The following MCC variants were observed in gnomAD, a reference collection of about 807,000 sequenced individuals.
MCC encodes colorectal mutant cancer protein.
MCC carries 90 observed loss-of-function variants against 116.2 expected under a neutral mutation model. That is an observed-to-expected ratio of 0.77 (90% CI 0.65 to 0.92). The LOEUF (loss-of-function observed/expected upper bound fraction) is 0.92, where lower values mean the gene tolerates loss of function less well. Among genes scored for constraint, MCC ranks in the 40% least tolerant of loss-of-function variants. The pLI is 0.00. For synonymous variants in MCC, 578 were observed against 510.5 expected (o/e 1.13, Z -1.78); for missense variants, 1,516 against 1,312.2 (o/e 1.16, Z -2.40).
chr5:113,132,437 T>TACAC (rs1758506205), intron 5 of MCC, among the ~76,000 whole-genome samples: 5 of 75,598 alleles, frequency 6.6e-5, no homozygotes, highest in African/African-American at 2.2e-4. Flanking sequence ...CATATATATA[T>TACAC]ATATATACAC....
intron 3 of MCC, among the ~76,000 whole-genome samples, chr5:113,188,258 T>C (rs1357757281): frequency 6.6e-6 from 1 of 152,172 alleles, no homozygotes; most frequent in Non-Finnish European, 1.5e-5. Flanking sequence ...TTGGATACTG[T>C]CAAGCTTCAC....
At chr5:113,237,273 C>T (rs955672876) in intron 3 of MCC, among the ~76,000 whole-genome samples, 6 of 152,124 alleles carry the variant, frequency 3.9e-5, no homozygotes, top group Non-Finnish European at 8.8e-5. Context: ...CATTTTACTT[C>T]TACTTTTTAA....
At chr5:113,134,645 T>G (rs1375001716) in intron 5 of MCC, among the ~76,000 whole-genome samples, 1 of 150,708 alleles carries the variant, frequency 6.6e-6, no homozygotes, top group Admixed American at 6.6e-5. Flanking sequence ...ATTGGTATTT[T>G]GATAGGGATT....
rs200807089 is a variant in MCC, at chr5:113,023,302, T to TA, written c.*3999dup. 4 of 152,358 alleles carry TA rather than the reference T, an allele frequency of 2.6e-5. No homozygotes were observed. The East Asian group carries it at 5.8e-4, about 22-fold the overall frequency. 9.4% of individuals were successfully genotyped at this position (152,358 alleles called of 1,614,324 possible). A position where few individuals can be genotyped will look rare whatever the true frequency, so the allele number is the denominator to read the frequency against. On this transcript the variant is annotated 3_prime_UTR_variant, in exon 19 of 19. Coordinates refer to ENST00000408903, the MANE Select transcript of MCC (RefSeq NM_001085377.2). ...GCGTAACTTTTGTTTTGTAACCAGT[T>TA]ACGCCTCTTCTGTAAACTCTATAAG...
intron 2 of MCC, among the ~76,000 whole-genome samples, chr5:113,382,438 C>A (rs1445466572): frequency 6.6e-6 from 1 of 151,878 alleles, no homozygotes; most frequent in East Asian, 1.9e-4. Context: ...ACCTGGCTAA[C>A]TTTTAAATTT....
intron 1 of MCC, among the ~76,000 whole-genome samples, chr5:113,477,167 G>C (rs348931): frequency 0.69 from 104,727 of 152,014 alleles, 36,489 homozygotes; most frequent in East Asian, 0.88. Context: ...TATACAGTAA[G>C]CACTCAATAA....
chr5:113,274,019 C>A (rs368285289), intron 3 of MCC, among the ~76,000 whole-genome samples: 1 of 152,192 alleles, frequency 6.6e-6, no homozygotes, highest in Non-Finnish European at 1.5e-5. Flanking sequence ...CACAGAAAAA[C>A]GCTGGCTTCT....
intron 3 of MCC, among the ~76,000 whole-genome samples, chr5:113,291,370 A>C (rs1277460741): frequency 6.6e-6 from 1 of 152,220 alleles, no homozygotes; most frequent in Non-Finnish European, 1.5e-5. Context: ...GACAACCAGA[A>C]ATTGATTAAA....
intron 1 of MCC, among the ~76,000 whole-genome samples, chr5:113,392,089 G>C (rs1010589805): frequency 2.0e-5 from 3 of 152,148 alleles, no homozygotes; most frequent in African/African-American, 7.2e-5. Flanking sequence ...GGTAAGGCTA[G>C]GCGTGGTGGC....
At chr5:113,249,775 G>A (rs1304095243) in intron 3 of MCC, among the ~76,000 whole-genome samples, 2 of 152,178 alleles carry the variant, frequency 1.3e-5, no homozygotes, top group East Asian at 3.8e-4. Context: ...GACCAGGGCA[G>A]GACAAATGTA....
At chr5:113,370,029 G>A (rs1581432902) in intron 2 of MCC, among the ~76,000 whole-genome samples, 1 of 152,062 alleles carries the variant, frequency 6.6e-6, no homozygotes, top group Admixed American at 6.6e-5. Context: ...GTATTTCTTG[G>A]GGATAAACCA....
chr5:113,043,425 T>C, intron 17 of MCC, 105 bp downstream of exon 17: 1 of 1,039,942 alleles, frequency 9.6e-7, no homozygotes, highest in South Asian at 1.4e-5. Flanking sequence ...ATGGGTAAAG[T>C]GGAACACATC....
At chr5:113,203,154 C>A (rs1311002872) in intron 3 of MCC, 1 of 152,262 alleles carries the variant, frequency 6.6e-6, no homozygotes, top group Non-Finnish European at 1.5e-5. Context: ...TCTTGCCCCA[C>A]CGGGAAACTA....
At chr5:113,225,925 C>T (rs1160466083) in intron 3 of MCC, among the ~76,000 whole-genome samples, 1 of 152,240 alleles carries the variant, frequency 6.6e-6, no homozygotes, top group African/African-American at 2.4e-5. Context: ...ATAATCCCAG[C>T]ACTTTGGAAG....
chr5:113,332,670 G>A (rs1446721989), intron 3 of MCC, among the ~76,000 whole-genome samples: 4 of 151,366 alleles, frequency 2.6e-5, no homozygotes, highest in South Asian at 4.2e-4. Flanking sequence ...AATGGTTGCC[G>A]TTTTACTAGG....
intron 9 of MCC, among the ~76,000 whole-genome samples, chr5:113,084,729 C>T (rs1034670212): frequency 1.3e-5 from 2 of 152,232 alleles, no homozygotes; most frequent in African/African-American, 4.8e-5. Context: ...ACAGCTGCCA[C>T]AGCCTGTCCA....
intron 3 of MCC, among the ~76,000 whole-genome samples, chr5:113,256,509 A>G (rs141330311): frequency 1.2e-3 from 188 of 152,326 alleles, no homozygotes; most frequent in Non-Finnish European, 2.2e-3. Flanking sequence ...TTCTCTAAAC[A>G]GAGGGAACAG....
chr5:113,058,953 C>T (rs1346201358), intron 14 of MCC, among the ~76,000 whole-genome samples: 2 of 152,184 alleles, frequency 1.3e-5, no homozygotes, highest in Non-Finnish European at 2.9e-5. Context: ...AGAATCCCTC[C>T]ATCCCAGGGA....
At chr5:113,128,573 T>C (rs1758229772) in intron 5 of MCC, among the ~76,000 whole-genome samples, 1 of 152,222 alleles carries the variant, frequency 6.6e-6, no homozygotes, top group Admixed American at 6.5e-5. Flanking sequence ...AAGATCAGAC[T>C]CATCTATGAA....
Sources: allele counts gnomAD v4.1 joint callset (sites outside exome capture counted in the v4.1 genomes callset), GRCh38; gene constraint gnomAD v4.1.1; transcripts MANE v1.5; gene names NCBI Gene and HGNC (gene_info 2026-07-23, HGNC 2026-07-21).